The following TBL1XR1 variants were observed in gnomAD, a reference collection of about 807,000 sequenced individuals.
The protein encoded by TBL1XR1 is F-box-like/WD repeat-containing protein TBL1XR1.
In TBL1XR1, 5 loss-of-function variants were observed where a neutral mutation model predicts 66.9. The observed-to-expected ratio is 0.07, with a 90% confidence interval of 0.04 to 0.16. The LOEUF (loss-of-function observed/expected upper bound fraction) is 0.16. TBL1XR1 is among the 10% of genes least tolerant of loss of function. The pLI, the probability that TBL1XR1 is intolerant of heterozygous loss-of-function variation, is 1.00. For synonymous variants in TBL1XR1, 210 were observed against 206.0 expected (o/e 1.02, Z -0.17); for missense variants, 238 against 623.2 (o/e 0.38, Z 6.58).
At chr3:177,087,720 T>C (rs1317761559) in intron 2 of TBL1XR1, among the ~76,000 whole-genome samples, 3 of 152,114 alleles carry the variant, frequency 2.0e-5, no homozygotes, top group Non-Finnish European at 4.4e-5. Flanking sequence ...CATGCAATCT[T>C]ATCCACTGGA....
chr3:177,192,355 C>T (rs1344500414), intron 1 of TBL1XR1, among the ~76,000 whole-genome samples: 1 of 150,994 alleles, frequency 6.6e-6, no homozygotes, highest in African/African-American at 2.4e-5. Context: ...TGCACTCCAA[C>T]CTGCACTCCA....
chr3:177,058,406 C>T (rs1718079439), intron 3 of TBL1XR1, among the ~76,000 whole-genome samples: 1 of 152,142 alleles, frequency 6.6e-6, no homozygotes, highest in South Asian at 2.1e-4. Flanking sequence ...AAATTTCGTG[C>T]CCTAATTTTG....
At chr3:177,041,890 C>A (rs779782059) in intron 10 of TBL1XR1, among the ~76,000 whole-genome samples, 2 of 152,164 alleles carry the variant, frequency 1.3e-5, no homozygotes, top group Non-Finnish European at 2.9e-5. Context: ...GGGTGTCGAG[C>A]ATTGCCAGGC....
intron 10 of TBL1XR1, among the ~76,000 whole-genome samples, chr3:177,042,341 G>A (rs1715701540): frequency 2.0e-5 from 3 of 152,216 alleles, no homozygotes; most frequent in African/African-American, 7.2e-5. Flanking sequence ...TTCCAGAGGT[G>A]TTAATTTTAT....
At chr3:177,195,564 T>C (rs1305718927) in intron 1 of TBL1XR1, 1 of 152,014 alleles carries the variant, frequency 6.6e-6, no homozygotes, top group Non-Finnish European at 1.5e-5. Flanking sequence ...CAGTCACTCA[T>C]TGTATCTTCA....
intron 1 of TBL1XR1, among the ~76,000 whole-genome samples, chr3:177,183,894 G>GT (rs1222044791): frequency 1.3e-5 from 2 of 152,076 alleles, no homozygotes; most frequent in African/African-American, 4.8e-5. Context: ...CCTGAAGTCA[G>GT]GAGCTCGAGA....
intron 10 of TBL1XR1, among the ~76,000 whole-genome samples, chr3:177,039,105 T>C (rs1015441143): frequency 2.0e-5 from 3 of 152,342 alleles, no homozygotes; most frequent in Admixed American, 1.3e-4. Flanking sequence ...CATCTGGCTA[T>C]ATTATAAGGT....
chr3:177,034,971 G>A (rs1714561397), intron 12 of TBL1XR1, among the ~76,000 whole-genome samples: 1 of 151,802 alleles, frequency 6.6e-6, no homozygotes, highest in Non-Finnish European at 1.5e-5. Context: ...ATAAAGACAT[G>A]GTAGGTCCTG....
intron 10 of TBL1XR1, 92 bp from the exon 11 acceptor site, chr3:177,038,526 T>G: frequency 8.1e-7 from 1 of 1,240,496 alleles, no homozygotes; most frequent in Non-Finnish European, 1.1e-6. Context: ...TAATAAAATA[T>G]ACTAACAGGC....
chr3:177,184,872 G>A (rs920529071), intron 1 of TBL1XR1, among the ~76,000 whole-genome samples: 1 of 151,558 alleles, frequency 6.6e-6, no homozygotes, highest in Non-Finnish European at 1.5e-5. Flanking sequence ...AACAACACTT[G>A]TTAATCATAC....
intron 2 of TBL1XR1, among the ~76,000 whole-genome samples, chr3:177,095,783 G>A (rs774530699): frequency 8.5e-5 from 13 of 152,184 alleles, no homozygotes; most frequent in South Asian, 6.2e-4. Context: ...GCACCCTGCC[G>A]TAAAGTGCAA....
intron 3 of TBL1XR1, among the ~76,000 whole-genome samples, chr3:177,062,260 C>G (rs1718610179): frequency 6.6e-6 from 1 of 152,200 alleles, no homozygotes; most frequent in Admixed American, 6.5e-5. Flanking sequence ...CTTGAATACT[C>G]AGCATAATTT....
In TBL1XR1 at chr3:177,109,809, T is replaced by C. The variant is rs76307876; in HGVS notation, c.-121-11268A>G. On this transcript the variant is annotated intron_variant, in intron 1 of 15. Coordinates refer to ENST00000457928, the MANE Select transcript of TBL1XR1 (RefSeq NM_024665.7). Reference sequence around the variant, plus strand: ...TGAAAGAGGAACCCCTGGGTTGCAATATTAAAGTAGGATGGTCAGAGCCAG... The same window carrying C: ...TGAAAGAGGAACCCCTGGGTTGCAACATTAAAGTAGGATGGTCAGAGCCAG... 7.4e-3 allele frequency among the ~76,000 whole-genome samples: 1,118 copies of C among 152,084 alleles called. 19 individuals are homozygous for C. The highest frequency in any genetic ancestry group is 0.025 in the African/African-American group (1,042 of 41,476).
At chr3:177,156,069 A>G (rs1181251203) in intron 1 of TBL1XR1, among the ~76,000 whole-genome samples, 1 of 151,554 alleles carries the variant, frequency 6.6e-6, no homozygotes, top group Non-Finnish European at 1.5e-5. Context: ...ACTTCTAAAT[A>G]GAAATACAGG....
At chr3:177,078,965 T>C (rs1212574484) in intron 2 of TBL1XR1, among the ~76,000 whole-genome samples, 1 of 151,012 alleles carries the variant, frequency 6.6e-6, no homozygotes, top group East Asian at 2.0e-4. Context: ...AAAAAAAAAC[T>C]GCTAGGGACT....
intron 1 of TBL1XR1, among the ~76,000 whole-genome samples, chr3:177,180,235 CAAAAAAAAAA>C (rs34198735): frequency 1.4e-5 from 1 of 72,228 alleles, no homozygotes; most frequent in East Asian, 4.9e-4. Context: ...GACTCCGTCT[CAAAAAAAAAA>C]AAAAAAAAAA....
chr3:177,039,961 A>C (rs1021026270), intron 10 of TBL1XR1, among the ~76,000 whole-genome samples: 2 of 152,222 alleles, frequency 1.3e-5, no homozygotes, highest in African/African-American at 2.4e-5. Context: ...CAATGTCTAA[A>C]ATACTTTCAA....
intron 2 of TBL1XR1, among the ~76,000 whole-genome samples, chr3:177,085,664 T>C (rs1194787496): frequency 2.6e-5 from 4 of 152,272 alleles, no homozygotes; most frequent in African/African-American, 7.2e-5. Flanking sequence ...AGGAAAATGA[T>C]AGCAAACACT....
intron 1 of TBL1XR1, among the ~76,000 whole-genome samples, chr3:177,116,960 C>G (rs1016894052): frequency 6.6e-6 from 1 of 152,122 alleles, no homozygotes; most frequent in Admixed American, 6.5e-5. Flanking sequence ...GTCCAGAATG[C>G]TTTATTTTCT....
Sources: gnomAD v4.1 joint callset for allele counts (sites outside exome capture counted in the v4.1 genomes callset) on GRCh38, gnomAD v4.1.1 for gene constraint, MANE v1.5 for transcripts, NCBI Gene and HGNC (gene_info 2026-07-23, HGNC 2026-07-21) for gene names.